RPS6KC1: variants seen among roughly 807,000 people sequenced by gnomAD.
RPS6KC1 encodes ribosomal protein S6 kinase C1.
Under a neutral mutation model 103.8 loss-of-function variants are expected in RPS6KC1, and 54 were observed. The ratio of observed to expected loss-of-function variants is 0.52; its 90% CI spans 0.42 to 0.65. The LOEUF is 0.65. Ranked by LOEUF, RPS6KC1 falls within the 30% of genes least tolerant of loss-of-function variation. The probability of loss-of-function intolerance (pLI) is 0.00; values close to 1 mark genes in which losing one functional copy is unlikely to be tolerated. For missense variants in RPS6KC1, 1,151 were observed against 1,253.8 expected (o/e 0.92, Z 1.24); for synonymous variants, 439 against 438.7 (o/e 1.00, Z -0.01).
the RPS6KC1 span, among the ~76,000 whole-genome samples, chr1:213,330,140 T>G: frequency 5.9e-5 from 9 of 152,164 alleles, no homozygotes; most frequent in African/African-American, 2.2e-4. Flanking sequence ...AGAAAAAGAT[T>G]CCCATGGGAT....
rs147162853 is a variant in RPS6KC1 at position 213,239,178 on chromosome 1, T to C, written c.1226-1524T>C. On this transcript the variant is annotated intron_variant, in intron 10 of 14. Transcript: ENST00000366960. Reference sequence around the variant, plus strand: ...CTAACTGGTATCAAAATGGGGAAGATGATACAAAAATTAGCTGGGTATGGT... The same window carrying C: ...CTAACTGGTATCAAAATGGGGAAGACGATACAAAAATTAGCTGGGTATGGT... 1.4e-3 allele frequency among the ~76,000 whole-genome samples: 211 copies of C among 151,946 alleles called. 1 individual carries two copies. The highest frequency in any genetic ancestry group is 4.8e-3 in the African/African-American group (198 of 41,488).
chr1:213,215,749 T>G (rs374646345), intron 8 of RPS6KC1, among the ~76,000 whole-genome samples: 1 of 152,148 alleles, frequency 6.6e-6, no homozygotes, highest in South Asian at 2.1e-4. Context: ...AAAGAATTTT[T>G]AACCCAGAAT....
the RPS6KC1 span, among the ~76,000 whole-genome samples, chr1:213,734,313 A>G: frequency 6.6e-6 from 1 of 152,224 alleles, no homozygotes; most frequent in East Asian, 1.9e-4. Flanking sequence ...GCTTTCGATG[A>G]TATCATTTTA....
chr1:213,325,395 A>G, the RPS6KC1 span, among the ~76,000 whole-genome samples: 11 of 152,208 alleles, frequency 7.2e-5, no homozygotes, highest in Non-Finnish European at 1.2e-4. Context: ...TGTAACCTGC[A>G]GAAACAAATA....
At chr1:213,556,029 G>A in the RPS6KC1 span, among the ~76,000 whole-genome samples, 1 of 152,204 alleles carries the variant, frequency 6.6e-6, no homozygotes, top group Non-Finnish European at 1.5e-5. Flanking sequence ...AGTCTTCACT[G>A]TTGGTGACAT....
chr1:213,443,202 G>A, the RPS6KC1 span, among the ~76,000 whole-genome samples: 1 of 152,138 alleles, frequency 6.6e-6, no homozygotes, highest in Non-Finnish European at 1.5e-5. Flanking sequence ...CTATGACGAT[G>A]GCAGAGCCAG....
chr1:213,717,703 C>T, the RPS6KC1 span, among the ~76,000 whole-genome samples: 1 of 152,150 alleles, frequency 6.6e-6, no homozygotes, highest in Non-Finnish European at 1.5e-5. Context: ...TTTATTTCTG[C>T]ATGGTATTTT....
the RPS6KC1 span, among the ~76,000 whole-genome samples, chr1:213,727,350 A>T: frequency 2.6e-5 from 4 of 152,190 alleles, no homozygotes; most frequent in South Asian, 2.1e-4. Flanking sequence ...GGGTACAGGG[A>T]GGAAGTCAAG....
chr1:213,236,281 A>G (rs549150948), intron 10 of RPS6KC1, among the ~76,000 whole-genome samples: 33 of 152,298 alleles, frequency 2.2e-4, no homozygotes, highest in African/African-American at 6.0e-4. Flanking sequence ...GTAGGTCGTA[A>G]AGAATGGTTA....
chr1:213,782,006 C>T, the RPS6KC1 span, among the ~76,000 whole-genome samples: 20 of 152,288 alleles, frequency 1.3e-4, no homozygotes, highest in African/African-American at 3.8e-4. Flanking sequence ...CCAAAATTTT[C>T]GAACCACCCC....
chr1:213,520,158 C>T, the RPS6KC1 span, among the ~76,000 whole-genome samples: 1 of 152,076 alleles, frequency 6.6e-6, no homozygotes, highest in East Asian at 1.9e-4. Context: ...TCCATTTTCA[C>T]GCTGCTGATA....
intron 8 of RPS6KC1, among the ~76,000 whole-genome samples, chr1:213,198,013 G>C (rs1267841833): frequency 1.3e-5 from 2 of 151,994 alleles, no homozygotes; most frequent in South Asian, 2.1e-4. Flanking sequence ...GAAAACCATG[G>C]CCTTTTTTTT....
chr1:213,730,497 T>A, the RPS6KC1 span, among the ~76,000 whole-genome samples: 1 of 152,258 alleles, frequency 6.6e-6, no homozygotes, highest in Non-Finnish European at 1.5e-5. Flanking sequence ...CATTGGGGTT[T>A]TGATTTCATT....
At chr1:213,710,966 A>G in the RPS6KC1 span, among the ~76,000 whole-genome samples, 1 of 151,950 alleles carries the variant, frequency 6.6e-6, no homozygotes, top group African/African-American at 2.4e-5. Flanking sequence ...CTTCATTTCA[A>G]CCTTGGAGAA....
intron 8 of RPS6KC1, among the ~76,000 whole-genome samples, chr1:213,187,238 T>TTTC (rs1302675938): frequency 2.0e-5 from 3 of 151,426 alleles, no homozygotes; most frequent in Non-Finnish European, 4.4e-5. Flanking sequence ...TTTAAATTTT[T>TTTC]TTCTTCTTCT....
At chr1:213,159,276 G>A (rs758761735) in intron 6 of RPS6KC1, among the ~76,000 whole-genome samples, 1 of 152,134 alleles carries the variant, frequency 6.6e-6, no homozygotes, top group Non-Finnish European at 1.5e-5. Flanking sequence ...GGCTATTTTG[G>A]TGTCAAATTT....
chr1:213,293,173 T>G, the RPS6KC1 span, among the ~76,000 whole-genome samples: 5 of 152,236 alleles, frequency 3.3e-5, no homozygotes, highest in Admixed American at 3.3e-4. Context: ...AGGTATAACT[T>G]TCTTCTGAAT....
chr1:213,100,895 T>A (rs1386073920), intron 3 of RPS6KC1, among the ~76,000 whole-genome samples: 1 of 152,094 alleles, frequency 6.6e-6, no homozygotes, highest in African/African-American at 2.4e-5. Flanking sequence ...ACGATAAACA[T>A]GAGAGTGTAG....
the RPS6KC1 span, among the ~76,000 whole-genome samples, chr1:213,425,151 C>A: frequency 1.3e-5 from 2 of 152,290 alleles, no homozygotes; most frequent in East Asian, 1.9e-4. Context: ...AAAAAAAAAT[C>A]TTTCCCCCCC....
Sources: allele counts gnomAD v4.1 joint callset (sites outside exome capture counted in the v4.1 genomes callset), GRCh38; gene constraint gnomAD v4.1.1; transcripts MANE v1.5; gene names NCBI Gene and HGNC (gene_info 2026-07-23, HGNC 2026-07-21).